KIRREL3: variants seen among roughly 807,000 people sequenced by gnomAD.
The protein encoded by KIRREL3 is kin of IRRE-like protein 3.
Under a neutral mutation model 89.7 loss-of-function variants are expected in KIRREL3, and 36 were observed. That is an observed-to-expected ratio of 0.40 (90% confidence interval 0.31 to 0.53). The LOEUF is 0.53. KIRREL3 is among the 20% of genes least tolerant of loss of function. The pLI is 0.49. For missense variants in KIRREL3, 864 were observed against 1,056.6 expected, an observed-to-expected ratio of 0.82 and a Z score of 2.53; for synonymous variants, 445 against 441.4, an observed-to-expected ratio of 1.01 and a Z score of -0.10.
intron 1 of KIRREL3, among the ~76,000 whole-genome samples, chr11:126,716,311 C>T (rs371179113): frequency 3.9e-5 from 6 of 152,118 alleles, no homozygotes; most frequent in South Asian, 4.1e-4. Flanking sequence ...CTAGGTGTCA[C>T]GCATTGAGCT....
intron 1 of KIRREL3, among the ~76,000 whole-genome samples, chr11:126,598,489 A>C (rs999549824): frequency 3.9e-5 from 6 of 152,078 alleles, no homozygotes; most frequent in Non-Finnish European, 5.9e-5. Context: ...TGGGAGGTGC[A>C]CCTCTTTTGT....
chr11:126,666,966 GC>G lies in KIRREL3; in HGVS notation c.56-104055del, dbSNP rs1322213376. On this transcript the variant is annotated intron_variant, in intron 1 of 16. Transcript: ENST00000525144. This position sits in a 1 kb window ranked among gnomAD's most constrained non-coding sequence, Gnocchi z 4.2. Reference sequence around the variant, plus strand: ...ACAAGATTCAGATCCCTGATGTGGAGCCAAGGAAAGGCTTGAGTGACTAGGG... The same window carrying G: ...ACAAGATTCAGATCCCTGATGTGGAGCAAGGAAAGGCTTGAGTGACTAGGG... Among the ~76,000 whole-genome samples, 2 of 152,216 alleles carry G rather than the reference GC, an allele frequency of 1.3e-5. No individual in the cohort carries two copies. The highest frequency in any genetic ancestry group is 1.3e-4 in the Admixed American group (2 of 15,290).
intron 1 of KIRREL3, among the ~76,000 whole-genome samples, chr11:126,713,424 GA>G (rs1230351017): frequency 6.6e-6 from 1 of 152,236 alleles, no homozygotes; most frequent in Non-Finnish European, 1.5e-5. Context: ...GCCATTCTTA[GA>G]AGTTTGGACG....
intron 1 of KIRREL3, among the ~76,000 whole-genome samples, chr11:126,820,785 ATCC>A (rs1412033010): frequency 6.6e-6 from 1 of 152,084 alleles, no homozygotes; most frequent in African/African-American, 2.4e-5. Flanking sequence ...CTGGGTTTGA[ATCC>A]TCCTTTTGTC....
Position 126,513,137 on chromosome 11 carries a change from C to G in KIRREL3, c.433+8178G>C, listed in dbSNP as rs4387355. ...CTGTCTCTTGGTGATGGGGGTGCAG[C>G]CACTGGGGCCAGGCAACAGCAGGAG... On this transcript the variant is annotated intron_variant, in intron 4 of 16. Transcript: ENST00000525144. The surrounding 1 kb of genome is among the most constrained non-coding windows in gnomAD (Gnocchi z 5.9). Among the ~76,000 whole-genome samples, 55,958 of 151,942 alleles carry G rather than the reference C, an allele frequency of 0.37. 11,304 individuals carry two copies. The highest frequency in any genetic ancestry group is 0.52 in the African/African-American group (21,690 of 41,410).
intron 4 of KIRREL3, among the ~76,000 whole-genome samples, chr11:126,518,685 A>G (rs1958493629): frequency 6.6e-6 from 1 of 152,246 alleles, no homozygotes; most frequent in African/African-American, 2.4e-5. Flanking sequence ...GCCAAGGAGC[A>G]GAAATACCTC....
At position 126,761,035 on chromosome 11, in the gene KIRREL3, C is replaced by G. The variant is rs1355332229; in HGVS notation, c.56-198123G>C. Among the ~76,000 whole-genome samples the G allele has an allele frequency of 6.6e-6, 1 of 152,158 alleles. No individual in the cohort carries two copies. The highest frequency in any genetic ancestry group is 2.4e-5 in the African/African-American group (1 of 41,418). On this transcript the variant is annotated intron_variant, in intron 1 of 16. Transcript: ENST00000525144. This position sits in a 1 kb window ranked among gnomAD's most constrained non-coding sequence, Gnocchi z 4.4. ...CATAAATGAAAGAGGGAAGATGAAG[C>G]CCAGTTGCTCTATGCATTCTTTACT...
In KIRREL3 at chr11:126,904,609, G is replaced by A. The variant is rs1376127305; in HGVS notation, c.55+95846C>T. On this transcript the variant is annotated intron_variant, in intron 1 of 16. Transcript: ENST00000525144. The surrounding 1 kb of genome is among the most constrained non-coding windows in gnomAD (Gnocchi z 4.4). The stretch of plus-strand genomic sequence containing the variant: ...TTTAAATACATGTTTTTGACATCAG[G>A]AAAAGAAATAATCTGTCTTACAAGG... 1.3e-5 allele frequency among the ~76,000 whole-genome samples: 2 copies of A among 152,146 alleles called. No homozygotes were observed. The highest frequency in any genetic ancestry group is 1.9e-4 in the East Asian group (1 of 5,202).
At chr11:126,448,495 G>A (rs1211181914) in intron 8 of KIRREL3, among the ~76,000 whole-genome samples, 1 of 152,096 alleles carries the variant, frequency 6.6e-6, no homozygotes, top group Non-Finnish European at 1.5e-5. Context: ...GCGTGCTTGT[G>A]TCCCCCGTCA....
rs1008024300 is a variant in KIRREL3, at chr11:126,647,149, G to C, written c.56-84237C>G. On this transcript the variant is annotated intron_variant, in intron 1 of 16. Transcript: ENST00000525144. The surrounding 1 kb of genome is among the most constrained non-coding windows in gnomAD (Gnocchi z 4.9). The stretch of plus-strand genomic sequence containing the variant: ...CACTTTTCTAGGCAAGTCTGATGGG[G>C]ACCTCAGCATGGACAGCATTTCACA... 6.6e-6 allele frequency among the ~76,000 whole-genome samples: 1 copy of C among 152,182 alleles called. No individual in the cohort carries two copies. Among genetic ancestry groups the C allele is most frequent in the Non-Finnish European group, 1.5e-5 (1 of 68,042 alleles).
In KIRREL3 at chr11:126,578,989, C is replaced by T. The variant is rs763417352; in HGVS notation, c.56-16077G>A. ...ATGAAGACACTGAGGACCAGCAAGG[C>T]GAGACAACTGTTTGAGGCCACACAG... On this transcript the variant is annotated intron_variant, in intron 1 of 16. Transcript: ENST00000525144. This position sits in a 1 kb window ranked among gnomAD's most constrained non-coding sequence, Gnocchi z 4.9. 7.9e-5 allele frequency among the ~76,000 whole-genome samples: 12 copies of T among 152,128 alleles called. No individual in the cohort carries two copies. The highest frequency in any genetic ancestry group is 2.1e-4 in the South Asian group (1 of 4,820).
intron 7 of KIRREL3, among the ~76,000 whole-genome samples, chr11:126,452,248 C>G (rs991510423): frequency 2.0e-5 from 3 of 152,258 alleles, no homozygotes; most frequent in Non-Finnish European, 4.4e-5. Flanking sequence ...TCCCAACAAA[C>G]CATTATGAGT....
At chr11:126,963,002 A>G (rs1949142765) in intron 1 of KIRREL3, among the ~76,000 whole-genome samples, 1 of 152,224 alleles carries the variant, frequency 6.6e-6, no homozygotes, top group Admixed American at 6.5e-5. Flanking sequence ...ACTATGGTAT[A>G]GTGTAAACAT....
At position 126,462,439 on chromosome 11, in the gene KIRREL3, C is replaced by T. The variant is rs1379050581; in HGVS notation, c.742+718G>A. On this transcript the variant is annotated intron_variant, in intron 6 of 16. Coordinates refer to ENST00000525144, the MANE Select transcript of KIRREL3 (RefSeq NM_032531.4). This position sits in a 1 kb window ranked among gnomAD's most constrained non-coding sequence, Gnocchi z 4.8. ...CAGCACTTTAGGAGGCCAAGGCGGG[C>T]GGAACACTTGAGGTCAGGAGTTTGA... Among the ~76,000 whole-genome samples, 2 of 152,068 alleles carry T rather than the reference C, an allele frequency of 1.3e-5. No homozygotes were observed. The highest frequency in any genetic ancestry group is 2.9e-5 in the Non-Finnish European group (2 of 68,020).
intron 2 of KIRREL3, among the ~76,000 whole-genome samples, chr11:126,545,298 T>G (rs1295486520): frequency 6.6e-6 from 1 of 152,136 alleles, no homozygotes; most frequent in African/African-American, 2.4e-5. Context: ...CCAGGAGCTT[T>G]GAGCTGGCAC....
intron 1 of KIRREL3, among the ~76,000 whole-genome samples, chr11:126,619,688 A>C (rs1943500078): frequency 6.6e-6 from 1 of 152,266 alleles, no homozygotes; most frequent in Non-Finnish European, 1.5e-5. Context: ...ACTTTGACCC[A>C]CTTCCTAGCA....
Position 126,653,227 on chromosome 11 carries a change from G to A in KIRREL3, c.56-90315C>T, listed in dbSNP as rs1045526799. The stretch of plus-strand genomic sequence containing the variant: ...ATCTACAGAATCCAACGGAGGAGGC[G>A]GTACTGGGGCCCGTGGTGGCAGAGG... On this transcript the variant is annotated intron_variant, in intron 1 of 16. Coordinates refer to ENST00000525144, the MANE Select transcript of KIRREL3 (RefSeq NM_032531.4). This position sits in a 1 kb window ranked among gnomAD's most constrained non-coding sequence, Gnocchi z 5.4. Among the ~76,000 whole-genome samples, 2 of 152,184 alleles carry A rather than the reference G, an allele frequency of 1.3e-5. No individual in the cohort carries two copies. The highest frequency in any genetic ancestry group is 1.9e-4 in the East Asian group (1 of 5,194).
rs1949730914 is a variant in KIRREL3, at chr11:126,763,634, C to T, written c.56-200722G>A. Reference sequence around the variant, plus strand: ...GGTAGGTAGGCAATGGCCAGTGGGGCCAGCGCGGGTTTGAAATCTATCTTC... The same window carrying T: ...GGTAGGTAGGCAATGGCCAGTGGGGTCAGCGCGGGTTTGAAATCTATCTTC... On this transcript the variant is annotated intron_variant, in intron 1 of 16. Coordinates refer to ENST00000525144, the MANE Select transcript of KIRREL3 (RefSeq NM_032531.4). This position sits in a 1 kb window ranked among gnomAD's most constrained non-coding sequence, Gnocchi z 4.7. Among the ~76,000 whole-genome samples the T allele has an allele frequency of 1.3e-5, 2 of 152,152 alleles. No homozygotes were observed.
intron 1 of KIRREL3, among the ~76,000 whole-genome samples, chr11:126,588,512 C>G (rs1941981458): frequency 6.6e-6 from 1 of 152,138 alleles, no homozygotes; most frequent in Non-Finnish European, 1.5e-5. Context: ...GCTGCGGGCC[C>G]TGAGGCAGGG....
Sources: allele counts gnomAD v4.1 joint callset (sites outside exome capture counted in the v4.1 genomes callset), GRCh38; gene constraint gnomAD v4.1.1; non-coding constraint Gnocchi (gnomAD v3.1); transcripts MANE v1.5; gene names NCBI Gene and HGNC (gene_info 2026-07-23, HGNC 2026-07-21).